CCDC148: variants seen among roughly 807,000 people sequenced by gnomAD.
CCDC148 encodes coiled-coil domain containing 148.
Under a neutral mutation model 85.7 loss-of-function variants are expected in CCDC148, and 89 were observed. That is an observed-to-expected ratio of 1.04 (90% confidence interval 0.87 to 1.24). CCDC148 has a LOEUF of 1.24. Ranked by LOEUF, CCDC148 falls within the 50% of genes most tolerant of loss-of-function variation. CCDC148 has a pLI of 0.00. For synonymous variants in CCDC148, 230 were observed against 213.9 expected (o/e 1.08, Z -0.66); for missense variants, 692 against 671.7 (o/e 1.03, Z -0.33).
At chr2:158,276,480 T>C (rs746689919) in intron 9 of CCDC148, among the ~76,000 whole-genome samples, 110 of 151,816 alleles carry the variant, frequency 7.2e-4, no homozygotes, top group Admixed American at 1.1e-3. Context: ...TGCCTCGTTA[T>C]GGGAGGCGAA....
At chr2:158,291,573 G>A (rs757398297) in intron 9 of CCDC148, among the ~76,000 whole-genome samples, 2 of 152,074 alleles carry the variant, frequency 1.3e-5, no homozygotes, top group Non-Finnish European at 2.9e-5. Context: ...TTGTTGAAAG[G>A]GTTGCCTCTT....
At chr2:158,387,773 C>T (rs1408247861) in intron 1 of CCDC148, among the ~76,000 whole-genome samples, 1 of 152,154 alleles carries the variant, frequency 6.6e-6, no homozygotes, top group East Asian at 1.9e-4. Flanking sequence ...GCACTAGTCA[C>T]CCATTCATGG....
At chr2:158,261,127 G>T (rs979378523) in intron 9 of CCDC148, among the ~76,000 whole-genome samples, 1 of 151,872 alleles carries the variant, frequency 6.6e-6, no homozygotes, top group Non-Finnish European at 1.5e-5. Context: ...TATACTACAG[G>T]GCTACAGTAA....
At chr2:158,449,728 C>T (rs915867900) in intron 1 of CCDC148, among the ~76,000 whole-genome samples, 2 of 152,230 alleles carry the variant, frequency 1.3e-5, no homozygotes, top group African/African-American at 2.4e-5. Flanking sequence ...GGATTATAGG[C>T]ATGAGCCACC....
chr2:158,312,450 C>A (rs1042235265), intron 8 of CCDC148, among the ~76,000 whole-genome samples: 1 of 151,772 alleles, frequency 6.6e-6, no homozygotes, highest in African/African-American at 2.4e-5. Context: ...GGCGTGGTAG[C>A]CTGCACCTGT....
chr2:158,267,881 A>G (rs1483241466), intron 9 of CCDC148, among the ~76,000 whole-genome samples: 1 of 152,144 alleles, frequency 6.6e-6, no homozygotes, highest in Non-Finnish European at 1.5e-5. Flanking sequence ...TCCACTTAGC[A>G]TAATGTATCT....
chr2:158,223,120 A>T (rs1481518235), intron 10 of CCDC148, among the ~76,000 whole-genome samples: 2 of 152,162 alleles, frequency 1.3e-5, no homozygotes, highest in African/African-American at 4.8e-5. Context: ...CTCCCACGCT[A>T]ATACTGCGCT....
At chr2:158,316,939 G>T (rs543909797) in intron 7 of CCDC148, among the ~76,000 whole-genome samples, 1 of 152,204 alleles carries the variant, frequency 6.6e-6, no homozygotes, top group Non-Finnish European at 1.5e-5. Flanking sequence ...TGTAAATGTG[G>T]ACACTTTTTA....
At chr2:158,275,735 TGA>T (rs1491359763) in intron 9 of CCDC148, among the ~76,000 whole-genome samples, 4 of 75,864 alleles carry the variant, frequency 5.3e-5, no homozygotes, top group Admixed American at 4.5e-4. Flanking sequence ...AAATTTAAAT[TGA>T]AAAAAAAAAA....
chr2:158,287,692 C>T lies in CCDC148; in HGVS notation c.1110+21741G>A, dbSNP rs530814481. On this transcript the variant is annotated intron_variant, in intron 9 of 13. Coordinates refer to ENST00000283233, the MANE Select transcript of CCDC148 (RefSeq NM_138803.4). ...GGCTTTGCAAGGTACAGCCTCCTTC[C>T]GGCTGCTTTCACGGGCTGGCATTGA... Among the ~76,000 whole-genome samples the T allele has an allele frequency of 1.3e-3, 200 of 152,314 alleles. 1 individual carries two copies. Among genetic ancestry groups the T allele is most frequent in the African/African-American group, 4.4e-3 (185 of 41,574 alleles).
At position 158,297,041 on chromosome 2, in the gene CCDC148, C is replaced by T. The variant is rs183630969; in HGVS notation, c.1110+12392G>A. Among the ~76,000 whole-genome samples the T allele has an allele frequency of 5.3e-5, 8 of 152,184 alleles. No homozygotes were observed. In the East Asian group the frequency reaches 5.8e-4, roughly 11 times the overall value. On this transcript the variant is annotated intron_variant, in intron 9 of 13. Coordinates refer to ENST00000283233, the MANE Select transcript of CCDC148 (RefSeq NM_138803.4). Reference sequence around the variant, plus strand: ...CCAACTGCCGTGACTATAGGGAAGCCGATAATGCAAGAAATTCATCACTAG... The same window carrying T: ...CCAACTGCCGTGACTATAGGGAAGCTGATAATGCAAGAAATTCATCACTAG...
intron 7 of CCDC148, among the ~76,000 whole-genome samples, chr2:158,316,195 G>T (rs1692275091): frequency 6.6e-6 from 1 of 152,216 alleles, no homozygotes; most frequent in Non-Finnish European, 1.5e-5. Flanking sequence ...GGCAGTGCAA[G>T]ATTGTGGCTG....
At chr2:158,269,708 T>C (rs573075698) in intron 9 of CCDC148, among the ~76,000 whole-genome samples, 6 of 152,264 alleles carry the variant, frequency 3.9e-5, no homozygotes, top group Non-Finnish European at 8.8e-5. Flanking sequence ...GTAGTGCCCA[T>C]AGTGGTGACC....
chr2:158,446,611 A>G (rs1030219329), intron 1 of CCDC148, among the ~76,000 whole-genome samples: 8 of 152,112 alleles, frequency 5.3e-5, no homozygotes, highest in African/African-American at 1.9e-4. Context: ...AAAGTTTTTT[A>G]TTTATAATAG....
intron 9 of CCDC148, among the ~76,000 whole-genome samples, chr2:158,306,505 A>T (rs1182067787): frequency 6.6e-6 from 1 of 152,206 alleles, no homozygotes. Context: ...GCCATAAAAA[A>T]GGATGAGTTC....
intron 12 of CCDC148, 103 bp from the exon 13 acceptor site, chr2:158,176,764 A>G: frequency 7.5e-7 from 1 of 1,338,652 alleles, no homozygotes. Context: ...AAATTTTATT[A>G]AAGGTAAAGC....
intron 7 of CCDC148, among the ~76,000 whole-genome samples, chr2:158,321,766 GCTGA>G (rs1176600964): frequency 6.6e-6 from 1 of 152,162 alleles, no homozygotes; most frequent in African/African-American, 2.4e-5. Flanking sequence ...GCCTTCTGAT[GCTGA>G]CTTTTATCCA....
chr2:158,342,643 T>C (rs1229257315), intron 3 of CCDC148, among the ~76,000 whole-genome samples: 1 of 152,196 alleles, frequency 6.6e-6, no homozygotes, highest in Non-Finnish European at 1.5e-5. Context: ...GATTCTCCAC[T>C]TAGAACTTTG....
chr2:158,238,400 C>T (rs1688206272), intron 10 of CCDC148, among the ~76,000 whole-genome samples: 1 of 151,978 alleles, frequency 6.6e-6, no homozygotes, highest in African/African-American at 2.4e-5. Context: ...ATATTGGAAA[C>T]CTGTGGAAAT....
Sources: gnomAD v4.1 joint callset for allele counts (sites outside exome capture counted in the v4.1 genomes callset) on GRCh38, gnomAD v4.1.1 for gene constraint, MANE v1.5 for transcripts, NCBI Gene and HGNC (gene_info 2026-07-23, HGNC 2026-07-21) for gene names.